Variants in FHIT observed in about 807,000 individuals in gnomAD.
The protein encoded by FHIT is fragile histidine triad diadenosine triphosphatase, also known as bis(5'-adenosyl)-triphosphatase.
Under a neutral mutation model 17.9 loss-of-function variants are expected in FHIT, and 19 were observed. The ratio of observed to expected loss-of-function variants is 1.06; its 90% CI spans 0.74 to 1.56. The LOEUF is 1.56. Ranked by LOEUF, FHIT falls within the 40% of genes most tolerant of loss-of-function variation. The pLI is 0.00. For missense variants in FHIT, 248 were observed against 189.2 expected, an observed-to-expected ratio of 1.31 and a Z score of -1.82; for synonymous variants, 81 against 69.7, an observed-to-expected ratio of 1.16 and a Z score of -0.81.
At chr3:60,318,627 C>G (rs941113575) in intron 5 of FHIT, among the ~76,000 whole-genome samples, 5 of 152,158 alleles carry the variant, frequency 3.3e-5, no homozygotes, top group African/African-American at 1.2e-4. Flanking sequence ...ATGTGATGGA[C>G]AGAGAACTTG....
intron 3 of FHIT, among the ~76,000 whole-genome samples, chr3:60,887,670 G>A (rs1275772208): frequency 1.3e-5 from 2 of 152,006 alleles, no homozygotes; most frequent in African/African-American, 4.8e-5. Flanking sequence ...AAAAAAAAGA[G>A]TAAATAATTT....
At chr3:59,833,000 G>A (rs1274398621) in intron 8 of FHIT, among the ~76,000 whole-genome samples, 1 of 152,164 alleles carries the variant, frequency 6.6e-6, no homozygotes, top group African/African-American at 2.4e-5. Context: ...GTTTGGATTA[G>A]GTTTCTAATC....
At chr3:61,134,830 A>G (rs2036867428) in intron 2 of FHIT, among the ~76,000 whole-genome samples, 1 of 152,198 alleles carries the variant, frequency 6.6e-6, no homozygotes. Context: ...GCTTGCCTCC[A>G]GAACTGTTCA....
At chr3:60,799,924 C>A (rs1164899709) in intron 4 of FHIT, among the ~76,000 whole-genome samples, 2 of 152,098 alleles carry the variant, frequency 1.3e-5, no homozygotes, top group Non-Finnish European at 2.9e-5. Flanking sequence ...CTTCCAGTGC[C>A]CACAATGCCT....
chr3:61,094,347 C>T (rs1318087800), intron 2 of FHIT, among the ~76,000 whole-genome samples: 1 of 152,164 alleles, frequency 6.6e-6, no homozygotes, highest in Non-Finnish European at 1.5e-5. Context: ...TCTGTGCAAC[C>T]TTGCATAACT....
chr3:61,077,678 A>G (rs938333346), intron 2 of FHIT, among the ~76,000 whole-genome samples: 1 of 152,128 alleles, frequency 6.6e-6, no homozygotes. Context: ...CTCAAAAGAT[A>G]CTGGCATCTG....
Position 60,697,451 on chromosome 3 carries a change from A to C in FHIT, c.-18+124468T>G, listed in dbSNP as rs532849515. On this transcript the variant is annotated intron_variant, in intron 4 of 9. Coordinates refer to ENST00000492590, the MANE Select transcript of FHIT (RefSeq NM_002012.4). ...CAAATTATATTTCACAATTTTATTT[A>C]AATAGTATGTTTCATTCTGAGATGA... 2.3e-4 allele frequency among the ~76,000 whole-genome samples: 35 copies of C among 152,306 alleles called. No homozygotes were observed. In the East Asian group the frequency reaches 5.8e-3, roughly 25 times the overall value.
chr3:60,712,863 A>G (rs2107940555), intron 4 of FHIT, among the ~76,000 whole-genome samples: 1 of 146,208 alleles, frequency 6.8e-6, no homozygotes, highest in South Asian at 2.4e-4. Flanking sequence ...CATTAGACAG[A>G]TCAACGAGAC....
At chr3:60,663,105 C>T (rs1553691576) in intron 4 of FHIT, among the ~76,000 whole-genome samples, 1 of 106,846 alleles carries the variant, frequency 9.4e-6, no homozygotes, top group East Asian at 3.0e-4. Context: ...TCTGCCAAAA[C>T]CATGTTGGTT....
intron 4 of FHIT, among the ~76,000 whole-genome samples, chr3:60,818,444 C>T (rs1701811180): frequency 6.6e-6 from 1 of 152,144 alleles, no homozygotes; most frequent in Non-Finnish European, 1.5e-5. Flanking sequence ...TGGGTAGCAG[C>T]TCGAATCTCA....
At chr3:60,571,784 T>C (rs984163923) in intron 4 of FHIT, among the ~76,000 whole-genome samples, 3 of 151,940 alleles carry the variant, frequency 2.0e-5, no homozygotes, top group Non-Finnish European at 2.9e-5. Context: ...AAAAACAAAA[T>C]GCAGAACAGA....
intron 5 of FHIT, among the ~76,000 whole-genome samples, chr3:60,093,566 G>A (rs1278476758): frequency 6.6e-6 from 1 of 152,138 alleles, no homozygotes; most frequent in African/African-American, 2.4e-5. Context: ...TAGGAGGGGG[G>A]TATTCTATCC....
intron 5 of FHIT, among the ~76,000 whole-genome samples, chr3:60,442,388 G>C (rs1001496017): frequency 6.6e-6 from 1 of 152,058 alleles, no homozygotes; most frequent in African/African-American, 2.4e-5. Context: ...TTTTCTTCTA[G>C]GGTTTTTATG....
chr3:61,017,427 T>A (rs1228538209), intron 3 of FHIT, among the ~76,000 whole-genome samples: 1 of 152,230 alleles, frequency 6.6e-6, no homozygotes, highest in African/African-American at 2.4e-5. Context: ...CAGAGATTCT[T>A]AAGAGAACTT....
intron 4 of FHIT, among the ~76,000 whole-genome samples, chr3:60,795,878 T>G (rs1553730133): frequency 6.6e-6 from 1 of 152,176 alleles, no homozygotes; most frequent in East Asian, 1.9e-4. Flanking sequence ...TTGCTTGGCA[T>G]TGTTTTCAAG....
intron 4 of FHIT, among the ~76,000 whole-genome samples, chr3:60,799,336 A>G (rs372136285): frequency 0.011 from 1,724 of 152,208 alleles, 30 homozygotes; most frequent in African/African-American, 0.039. Context: ...CACCATGCCC[A>G]GCTAATTTTG....
intron 5 of FHIT, among the ~76,000 whole-genome samples, chr3:60,265,738 A>G (rs750880315): frequency 6.6e-6 from 1 of 151,924 alleles, no homozygotes; most frequent in East Asian, 1.9e-4. Flanking sequence ...TAATAAATAG[A>G]TGATTCAAAT....
chr3:60,866,791 T>G (rs1704182969), intron 3 of FHIT, among the ~76,000 whole-genome samples: 1 of 152,308 alleles, frequency 6.6e-6, no homozygotes, highest in Non-Finnish European at 1.5e-5. Flanking sequence ...GGAGATATAA[T>G]TATCTTACCA....
intron 5 of FHIT, among the ~76,000 whole-genome samples, chr3:60,398,943 G>A (rs1466777598): frequency 6.6e-6 from 1 of 152,044 alleles, no homozygotes. Context: ...AGGAATAAAA[G>A]GTGGAAAGTC....
Sources: gnomAD v4.1 joint callset for allele counts (sites outside exome capture counted in the v4.1 genomes callset) on GRCh38, gnomAD v4.1.1 for gene constraint, MANE v1.5 for transcripts, NCBI Gene and HGNC (gene_info 2026-07-23, HGNC 2026-07-21) for gene names.